LSP1: variants seen among roughly 807,000 people sequenced by gnomAD.
LSP1 encodes lymphocyte specific protein 1, also known as lymphocyte-specific protein 1.
A neutral mutation model predicts 49.3 loss-of-function variants in LSP1; 32 were observed. That is an observed-to-expected ratio of 0.65 (90% CI 0.49 to 0.87). LSP1 has a LOEUF of 0.87. Among genes scored for constraint, LSP1 ranks in the 40% least tolerant of loss-of-function variants. The pLI, the probability that LSP1 is intolerant of heterozygous loss-of-function variation, is 0.00. For missense variants in LSP1, 428 were observed against 442.6 expected (o/e 0.97, Z 0.30); for synonymous variants, 179 against 178.8 (o/e 1.00, Z -0.01).
chr11:1,885,267 A>T (rs1848708852), intron 7 of LSP1, among the ~76,000 whole-genome samples: 2 of 151,636 alleles, frequency 1.3e-5, no homozygotes, highest in African/African-American at 4.8e-5. Flanking sequence ...AACCAATGCC[A>T]GTCCCACATG....
rs755019696 is a variant in LSP1, at chr11:1,880,242, G to T, written c.191+18G>T. ...GAGATGCTGTGAGCAGCCCCATAAC[G>T]CGTGCCTGGGCTCTAGCCCCTATCC... On this transcript the variant is annotated intron_variant, in intron 2 of 10. Transcript: ENST00000311604. The T allele has an allele frequency of 2.6e-6, 4 of 1,563,154 alleles. No homozygotes were observed. The highest frequency in any genetic ancestry group is 3.5e-6 in the Non-Finnish European group (4 of 1,151,692).
chr11:1,889,197 C>A, intron 10 of LSP1: 2 of 674,498 alleles, frequency 3.0e-6, no homozygotes, highest in Admixed American at 2.2e-5. Context: ...GGGCTGGGGG[C>A]TCAGCTCCAG....
chr11:1,884,576 A>G lies in LSP1; in HGVS notation c.712A>G (p.Ile238Val). The G allele has an allele frequency of 6.2e-7, 1 of 1,613,828 alleles. No individual in the cohort carries two copies. Among genetic ancestry groups the G allele is most frequent in the Non-Finnish European group, 8.5e-7 (1 of 1,179,860 alleles). The part of the protein sequence containing the change: ...DQWLEQYTQA[I>V]ETAGRTPKLA... ...GTGGCTGGAACAATACACCCAGGCC[A>G]TCGAGGTATGACCTGGCTCCCCTCT... Residue 238 changes from isoleucine (I) to valine (V), a missense_variant, in exon 7 of 11, where the codon ATC (isoleucine) becomes GTC (valine). By Grantham distance (29) the Ile-to-Val change is conservative. Transcript: ENST00000311604. This position sits in a 1 kb window ranked among gnomAD's most constrained non-coding sequence, Gnocchi z 4.1.
intron 8 of LSP1, 49 bp downstream of exon 8, chr11:1,886,915 G>A (rs1276312016): frequency 1.3e-6 from 2 of 1,587,878 alleles, no homozygotes; most frequent in African/African-American, 1.3e-5. Flanking sequence ...CAGCGCCTGG[G>A]AGTTTAGTAG....
intron 1 of LSP1, among the ~76,000 whole-genome samples, chr11:1,865,420 T>A (rs1313177845): frequency 3.3e-5 from 5 of 149,962 alleles, no homozygotes; most frequent in African/African-American, 9.8e-5. Context: ...TGCGTGTACA[T>A]GTGTGAGTGC....
chr11:1,856,873 G>A (rs1418434917), intron 1 of LSP1, among the ~76,000 whole-genome samples: 1 of 152,326 alleles, frequency 6.6e-6, no homozygotes, highest in Admixed American at 6.5e-5. Context: ...CGGTGCCCAC[G>A]ACTGCTCAGG....
At chr11:1,867,326 G>C (rs763817924) in intron 1 of LSP1, among the ~76,000 whole-genome samples, 1 of 151,908 alleles carries the variant, frequency 6.6e-6, no homozygotes, top group South Asian at 2.1e-4. Context: ...CCCAGAGGCC[G>C]CTGCACCCCA....
intron 1 of LSP1, chr11:1,864,219 C>G (rs1847716041): frequency 1.0e-6 from 1 of 987,600 alleles, no homozygotes. Context: ...GCGAAGGGTC[C>G]AGGCCTGCGA....
intron 1 of LSP1, chr11:1,869,606 C>T (rs556939487): frequency 2.8e-4 from 131 of 469,862 alleles, no homozygotes; most frequent in Non-Finnish European, 4.8e-4. Context: ...CCGCACCTAG[C>T]AGGTGCCGGG....
chr11:1,881,268 A>G, intron 2 of LSP1, 164 bp from the exon 3 acceptor site: 1 of 637,804 alleles, frequency 1.6e-6, no homozygotes, highest in East Asian at 3.1e-5. Flanking sequence ...CCCTGCCCTC[A>G]GGTATTCTGA....
chr11:1,889,006 C>T (rs1848870186), intron 10 of LSP1: 4 of 555,236 alleles, frequency 7.2e-6, no homozygotes, highest in Admixed American at 3.4e-5. Flanking sequence ...CCCATGTGCC[C>T]TTCCCAGGCT....
At chr11:1,888,086 TGAGACACACATTTATTA>T (rs1337669141) in intron 10 of LSP1, among the ~76,000 whole-genome samples, 1 of 152,134 alleles carries the variant, frequency 6.6e-6, no homozygotes, top group Non-Finnish European at 1.5e-5. Context: ...CCTGCCATGG[TGAGACACACATTTATTA>T]GTGACCTGGG....
chr11:1,881,582 G>A lies in LSP1; in HGVS notation c.342G>A (p.Gly114=), dbSNP rs1313596257. The part of the protein sequence containing the change: ...GEPPQCRSPE[G]EQEDRPGLHA... The stretch of plus-strand genomic sequence containing the variant: ...CCCCCCAGTGCAGGAGTCCTGAGGG[G>A]GAGCAAGAGGACAGGTGAGTGAGGG... Residue 114 remains glycine, a synonymous_variant, in exon 3 of 11, where the codon GGG becomes GGA. Coordinates refer to ENST00000311604, the MANE Select transcript of LSP1 (RefSeq NM_002339.3). 8.0e-6 allele frequency: 12 copies of A among 1,496,650 alleles called. No individual in the cohort carries two copies. The highest frequency in any genetic ancestry group is 2.5e-5 in the East Asian group (1 of 39,798). The allele number at this position is 1,496,650 out of a possible 1,614,324, so 92.7% of individuals were successfully genotyped here.
At chr11:1,869,763 G>A (rs1168057197) in intron 1 of LSP1, 1 of 466,428 alleles carries the variant, frequency 2.1e-6, no homozygotes, top group Non-Finnish European at 4.4e-6. Context: ...GGAGAGGGCG[G>A]GCGAGGAAAA....
intron 1 of LSP1, chr11:1,870,154 C>A: frequency 1.5e-6 from 1 of 654,832 alleles, no homozygotes; most frequent in Non-Finnish European, 2.5e-6. Flanking sequence ...ACCTCTGGTG[C>A]AGAGGACCAA....
chr11:1,873,238 C>A (rs1848119740), intron 1 of LSP1, among the ~76,000 whole-genome samples: 4 of 152,096 alleles, frequency 2.6e-5, no homozygotes, highest in Admixed American at 2.0e-4. Context: ...CTGGGGACCG[C>A]TAGGCATACG....
intron 1 of LSP1, among the ~76,000 whole-genome samples, chr11:1,872,269 G>A (rs1261153603): frequency 7.3e-6 from 1 of 137,304 alleles, no homozygotes; most frequent in African/African-American, 2.8e-5. Context: ...TAGAGTTGGG[G>A]TCTGTCCGGC....
chr11:1,890,899 G>C (rs1848972426), intron 10 of LSP1: 1 of 366,410 alleles, frequency 2.7e-6, no homozygotes, highest in East Asian at 4.6e-5. Flanking sequence ...CAGGCCCCAA[G>C]TACACAGCCT....
At chr11:1,867,376 C>T (rs903236166) in intron 1 of LSP1, among the ~76,000 whole-genome samples, 21 of 146,000 alleles carry the variant, frequency 1.4e-4, no homozygotes, top group African/African-American at 4.8e-4. Flanking sequence ...CACACACACA[C>T]GACCACCCGG....
Sources: gnomAD v4.1 joint callset for allele counts (sites outside exome capture counted in the v4.1 genomes callset) on GRCh38, gnomAD v4.1.1 for gene constraint, Gnocchi (gnomAD v3.1) non-coding constraint, MANE v1.5 for transcripts, NCBI Gene and HGNC (gene_info 2026-07-23, HGNC 2026-07-21) for gene names.